Variants in XRCC4 observed in about 807,000 individuals in gnomAD.
XRCC4 encodes DNA repair protein XRCC4.
XRCC4 carries 28 observed loss-of-function variants against 39.1 expected under a neutral mutation model. The observed-to-expected ratio is 0.72, with a 90% CI of 0.53 to 0.98. The LOEUF is 0.98. XRCC4 is among the 50% of genes least tolerant of loss of function. The pLI is 0.00. For synonymous variants in XRCC4, 123 were observed against 126.4 expected (o/e 0.97, Z 0.18); for missense variants, 350 against 376.4 (o/e 0.93, Z 0.58).
At chr5:83,347,452 C>A (rs906800748) in intron 7 of XRCC4, among the ~76,000 whole-genome samples, 97 of 152,092 alleles carry the variant, frequency 6.4e-4, no homozygotes, top group African/African-American at 2.3e-3. Context: ...GGGAAGCAGA[C>A]ACATCTTCAC....
intron 7 of XRCC4, among the ~76,000 whole-genome samples, chr5:83,270,483 T>A (rs902828304): frequency 6.6e-5 from 10 of 152,184 alleles, no homozygotes; most frequent in African/African-American, 2.4e-4. Flanking sequence ...TAAGCCATAA[T>A]CCTTTTGCAT....
At chr5:83,187,601 T>G (rs972959834) in intron 3 of XRCC4, among the ~76,000 whole-genome samples, 1 of 152,184 alleles carries the variant, frequency 6.6e-6, no homozygotes, top group African/African-American at 2.4e-5. Flanking sequence ...GAGATGAGAT[T>G]GGCACGGTAG....
intron 3 of XRCC4, among the ~76,000 whole-genome samples, chr5:83,134,538 C>G (rs942004095): frequency 3.9e-5 from 6 of 152,134 alleles, no homozygotes; most frequent in Admixed American, 2.0e-4. Flanking sequence ...CTCTGTAAAA[C>G]GTACCAATCA....
chr5:83,222,653 T>TAC (rs1752129848), intron 6 of XRCC4, among the ~76,000 whole-genome samples: 1 of 152,190 alleles, frequency 6.6e-6, no homozygotes, highest in South Asian at 2.1e-4. Flanking sequence ...GTTTTTCCTG[T>TAC]TATTAATTTC....
chr5:83,092,247 T>G (rs1418590206), intron 1 of XRCC4, among the ~76,000 whole-genome samples: 1 of 152,168 alleles, frequency 6.6e-6, no homozygotes, highest in Non-Finnish European at 1.5e-5. Flanking sequence ...CCTCTTATAC[T>G]TTGGATATTA....
intron 7 of XRCC4, among the ~76,000 whole-genome samples, chr5:83,311,740 TTAAAA>T (rs1336933869): frequency 6.6e-6 from 1 of 152,070 alleles, no homozygotes; most frequent in African/African-American, 2.4e-5. Flanking sequence ...TATTAAACTC[TTAAAA>T]TAATGCATAC....
intron 7 of XRCC4, among the ~76,000 whole-genome samples, chr5:83,345,016 A>G (rs149538864): frequency 6.6e-6 from 1 of 152,102 alleles, no homozygotes; most frequent in Non-Finnish European, 1.5e-5. Flanking sequence ...GCTTATTATC[A>G]TATGTTTCTT....
At chr5:83,239,482 A>G (rs1232044910) in intron 6 of XRCC4, among the ~76,000 whole-genome samples, 1 of 152,240 alleles carries the variant, frequency 6.6e-6, no homozygotes, top group East Asian at 1.9e-4. Flanking sequence ...GAGCAGGTCA[A>G]GAGGGCAGCA....
chr5:83,347,027 G>A (rs982477562), intron 7 of XRCC4, among the ~76,000 whole-genome samples: 2 of 152,128 alleles, frequency 1.3e-5, no homozygotes, highest in East Asian at 3.8e-4. Context: ...TAAGATATAT[G>A]TATAAGGATA....
At chr5:83,313,417 C>T (rs974884232) in intron 7 of XRCC4, among the ~76,000 whole-genome samples, 1 of 152,040 alleles carries the variant, frequency 6.6e-6, no homozygotes, top group African/African-American at 2.4e-5. Flanking sequence ...ATAGACTTTC[C>T]ATAGTACATG....
At chr5:83,219,876 T>C (rs985629357) in intron 6 of XRCC4, among the ~76,000 whole-genome samples, 4 of 152,210 alleles carry the variant, frequency 2.6e-5, no homozygotes, top group African/African-American at 9.6e-5. Context: ...TGTGGCTAAA[T>C]AGGAAATTTA....
intron 7 of XRCC4, among the ~76,000 whole-genome samples, chr5:83,295,297 A>G (rs1293921732): frequency 6.6e-6 from 1 of 152,072 alleles, no homozygotes; most frequent in Non-Finnish European, 1.5e-5. Flanking sequence ...AAGTGAGAAA[A>G]AAAGAAAAAT....
chr5:83,105,899 G>A (rs933422296), intron 2 of XRCC4, among the ~76,000 whole-genome samples: 6 of 151,532 alleles, frequency 4.0e-5, no homozygotes, highest in Non-Finnish European at 5.9e-5. Flanking sequence ...TTATTATATC[G>A]TCTTTAAAAT....
intron 7 of XRCC4, among the ~76,000 whole-genome samples, chr5:83,332,653 C>T (rs750070243): frequency 6.6e-5 from 10 of 152,096 alleles, no homozygotes; most frequent in Non-Finnish European, 1.3e-4. Flanking sequence ...AGACAGGTAA[C>T]GCCTAAAACT....
chr5:83,337,999 G>C (rs1282342579), intron 7 of XRCC4, among the ~76,000 whole-genome samples: 3 of 152,298 alleles, frequency 2.0e-5, no homozygotes, highest in Admixed American at 6.5e-5. Flanking sequence ...CTACTAAGTA[G>C]AGAAGGTAGA....
chr5:83,240,118 G>A, intron 6 of XRCC4, among the ~76,000 whole-genome samples: 1 of 152,140 alleles, frequency 6.6e-6, no homozygotes, highest in Non-Finnish European at 1.5e-5. Flanking sequence ...AGGCTGCAGT[G>A]AGCCATGATC....
chr5:83,306,896 A>T (rs1448322481), intron 7 of XRCC4, among the ~76,000 whole-genome samples: 1 of 152,204 alleles, frequency 6.6e-6, no homozygotes, highest in Non-Finnish European at 1.5e-5. Context: ...CAGAAAGAAA[A>T]GGGGGGAACA....
intron 7 of XRCC4, among the ~76,000 whole-genome samples, chr5:83,326,677 A>G (rs1756272965): frequency 1.3e-5 from 2 of 152,038 alleles, no homozygotes; most frequent in Non-Finnish European, 2.9e-5. Context: ...AGTTTTTTGT[A>G]ATGTACAGTT....
intron 6 of XRCC4, among the ~76,000 whole-genome samples, chr5:83,235,312 G>C (rs1337395780): frequency 7.2e-6 from 1 of 138,772 alleles, no homozygotes. Flanking sequence ...TCCAGCCTGG[G>C]TGACAGATCA....
Sources: gnomAD v4.1 joint callset for allele counts (sites outside exome capture counted in the v4.1 genomes callset) on GRCh38, gnomAD v4.1.1 for gene constraint, MANE v1.5 for transcripts, NCBI Gene and HGNC (gene_info 2026-07-23, HGNC 2026-07-21) for gene names.